AADAC: variants seen among roughly 807,000 people sequenced by gnomAD.
AADAC encodes arylacetamide deacetylase, also known as arylacetamide deacetylase (esterase).
Under a neutral mutation model 22.7 loss-of-function variants are expected in AADAC, and 17 were observed. That is an observed-to-expected ratio of 0.75 (90% confidence interval 0.51 to 1.12). The LOEUF (loss-of-function observed/expected upper bound fraction) is 1.12. Among genes scored for constraint, AADAC ranks in the 50% most tolerant of loss-of-function variants. The pLI is 0.00. For synonymous variants in AADAC, 167 were observed against 176.3 expected (o/e 0.95, Z 0.42); for missense variants, 465 against 473.9 (o/e 0.98, Z 0.17).
chr3:151,819,587 A>G (rs1327701504), intron 2 of AADAC, among the ~76,000 whole-genome samples: 1 of 152,064 alleles, frequency 6.6e-6, no homozygotes, highest in African/African-American at 2.4e-5. Flanking sequence ...TGCAGGAGAA[A>G]TATAAACAAG....
At chr3:151,815,659 T>C (rs952677424) in intron 1 of AADAC, among the ~76,000 whole-genome samples, 20 of 151,950 alleles carry the variant, frequency 1.3e-4, no homozygotes, top group Non-Finnish European at 2.6e-4. Context: ...TGGTAGCCTT[T>C]TAATTAATTA....
chr3:151,820,314 T>C (rs1456089577), intron 2 of AADAC, 69 bp from the exon 3 acceptor site: 10 of 1,160,194 alleles, frequency 8.6e-6, no homozygotes, highest in Non-Finnish European at 4.9e-6. Flanking sequence ...GCAGGATTTT[T>C]GTGAAGGAAA....
chr3:151,825,282 G>A (rs1452362772), intron 4 of AADAC, among the ~76,000 whole-genome samples: 2 of 151,790 alleles, frequency 1.3e-5, no homozygotes, highest in African/African-American at 4.8e-5. Context: ...TACCTAGGAG[G>A]CTGAGGAGGC....
At position 151,828,244 on chromosome 3, in the gene AADAC, T is replaced by G; in HGVS notation, c.*72T>G. On this transcript the variant is annotated 3_prime_UTR_variant, in exon 5 of 5. Coordinates refer to ENST00000232892, the MANE Select transcript of AADAC (RefSeq NM_001086.3). Reference sequence around the variant, plus strand: ...TCAGAAAATTTGCATTAGAAATTGGTCTTTCTTAGAATGGTCTAGTTAAGT... The same window carrying G: ...TCAGAAAATTTGCATTAGAAATTGGGCTTTCTTAGAATGGTCTAGTTAAGT... 9.4e-7 allele frequency: 1 copy of G among 1,058,952 alleles called. No homozygotes were observed. Among genetic ancestry groups the G allele is most frequent in the Non-Finnish European group, 1.3e-6 (1 of 766,530 alleles). 65.6% of individuals were successfully genotyped at this position (1,058,952 alleles called of 1,614,324 possible).
chr3:151,823,351 A>G (rs765113691), intron 3 of AADAC, among the ~76,000 whole-genome samples: 1 of 151,942 alleles, frequency 6.6e-6, no homozygotes, highest in East Asian at 1.9e-4. Flanking sequence ...TTGTGTGTGT[A>G]TATATATGTG....
intron 3 of AADAC, among the ~76,000 whole-genome samples, chr3:151,821,174 T>C (rs1716238447): frequency 6.6e-6 from 1 of 151,902 alleles, no homozygotes; most frequent in Non-Finnish European, 1.5e-5. Context: ...GAGTAAGTGA[T>C]AACATCCTTG....
Position 151,814,264 on chromosome 3 carries a change from G to A in AADAC, c.102G>A (p.Met34Ile). The A allele has an allele frequency of 6.2e-7, 1 of 1,613,336 alleles. No individual in the cohort carries two copies. The change falls in exon 1 of 5, where the codon ATG (methionine) becomes ATA (isoleucine). Residue 34 changes from methionine to isoleucine, a missense_variant. Coordinates refer to ENST00000232892, the MANE Select transcript of AADAC (RefSeq NM_001086.3). ...PDNVEEPWRM[M>I]WINAHLKTIQ... ...ACGTTGAGGAGCCATGGAGAATGAT[G>A]TGGATAAACGCACATCTGAAAACTA...
intron 2 of AADAC, among the ~76,000 whole-genome samples, chr3:151,818,413 T>A (rs1479437480): frequency 6.6e-6 from 1 of 152,052 alleles, no homozygotes; most frequent in African/African-American, 2.4e-5. Flanking sequence ...AAATTAAATT[T>A]AACAGAGTTT....
Position 151,814,191 on chromosome 3 carries a change from T to C in AADAC, c.29T>C (p.Ile10Thr). ...GGAAGAAAATCGCTGTACCTTCTGA[T>C]TGTGGGGATCCTCATAGCATATTAT... MGRKSLYLL[I>T]VGILIAYYIY... Residue 10 changes from isoleucine (I) to threonine (T), a missense_variant, in exon 1 of 5, where the codon ATT (isoleucine) becomes ACT (threonine). Ile to Thr is a moderately conservative substitution (Grantham distance 89, BLOSUM62 -1). Transcript: ENST00000232892. 6.2e-7 allele frequency: 1 copy of C among 1,613,388 alleles called. No individual in the cohort carries two copies. The highest frequency in any genetic ancestry group is 1.1e-5 in the South Asian group (1 of 91,072).
Position 151,828,048 on chromosome 3 carries a change from C to T in AADAC, c.1076C>T (p.Thr359Ile), listed in dbSNP as rs755736454. ...ATGTATGTCACCCGACTTCGCAACACTGGGGTTCAGGTGACTCATAACCAT... is the reference window on the plus strand; with the variant it reads ...ATGTATGTCACCCGACTTCGCAACATTGGGGTTCAGGTGACTCATAACCAT... Reference protein sequence around the residue: ...GLMYVTRLRNTGVQVTHNHVE... With the variant: ...GLMYVTRLRNIGVQVTHNHVE... Residue 359 changes from threonine to isoleucine, a missense_variant, in exon 5 of 5, where the codon ACT becomes ATT. Coordinates refer to ENST00000232892, the MANE Select transcript of AADAC (RefSeq NM_001086.3). 14 of 1,613,172 alleles carry T rather than the reference C, an allele frequency of 8.7e-6. 1 individual carries two copies. Among genetic ancestry groups the T allele is most frequent in the African/African-American group, 5.3e-5 (4 of 74,832 alleles).
chr3:151,828,240 T>C lies in AADAC; in HGVS notation c.*68T>C, dbSNP rs1716592469. The C allele has an allele frequency of 2.8e-6, 3 of 1,087,546 alleles. No individual in the cohort carries two copies. In the Admixed American group the frequency reaches 9.6e-5, roughly 35 times the overall value. The allele number at this position is 1,087,546 out of a possible 1,614,324, so 67.4% of individuals were successfully genotyped here. On this transcript the variant is annotated 3_prime_UTR_variant, in exon 5 of 5. Transcript: ENST00000232892. ...AACCTCAGAAAATTTGCATTAGAAA[T>C]TGGTCTTTCTTAGAATGGTCTAGTT...
At chr3:151,824,552 T>C in intron 3 of AADAC, 111 bp from the exon 4 acceptor site, 1 of 764,580 alleles carries the variant, frequency 1.3e-6, no homozygotes, top group Non-Finnish European at 1.9e-6. Context: ...CAGCATGTAT[T>C]AGGTTGGTGC....
chr3:151,823,326 T>C (rs1185439467), intron 3 of AADAC, among the ~76,000 whole-genome samples: 1 of 151,816 alleles, frequency 6.6e-6, no homozygotes, highest in Non-Finnish European at 1.5e-5. Context: ...AAGACATTAA[T>C]AGAAGTCTTA....
rs199967817 is a variant in AADAC at position 151,827,898 on chromosome 3, A to C, written c.926A>C (p.Lys309Thr). 106 of 1,611,922 alleles carry C rather than the reference A, an allele frequency of 6.6e-5. 2 individuals carry two copies. The highest frequency in any genetic ancestry group is 1.5e-5 in the Non-Finnish European group (18 of 1,179,060). The change falls in exon 5 of 5, where the codon AAA (lysine) becomes ACA (threonine). Residue 309 changes from lysine to threonine, a missense_variant. Coordinates refer to ENST00000232892, the MANE Select transcript of AADAC (RefSeq NM_001086.3). ...NPNYGSSELAKKYPGFLDVRA... is the reference protein window; with the variant it reads ...NPNYGSSELATKYPGFLDVRA... ...AATTATGGCAGTTCTGAGCTGGCTA[A>C]AAAATATCCAGGGTTCCTAGATGTG...
rs1286557020 is a variant in AADAC, at chr3:151,814,449, ATGT to A, written c.138+154_138+156del. The A allele has an allele frequency of 8.3e-5, 71 of 858,710 alleles. No individual in the cohort carries two copies. The Middle Eastern group carries it at 2.5e-3, about 30-fold the overall frequency. 53.2% of individuals were successfully genotyped at this position (858,710 alleles called of 1,614,324 possible). A position where few individuals can be genotyped will look rare whatever the true frequency, so the allele number is the denominator to read the frequency against. On this transcript the variant is annotated intron_variant, in intron 1 of 4. Transcript: ENST00000232892. ...GCCTTTGACAATGTGTTACTTAGAA[ATGT>A]TGTTTGTTTTCTGTCTTATGTATTG...
intron 2 of AADAC, 56 bp from the exon 3 acceptor site, chr3:151,820,327 G>T: frequency 7.5e-7 from 1 of 1,324,894 alleles, no homozygotes; most frequent in Non-Finnish European, 1.0e-6. Flanking sequence ...GAAGGAAACA[G>T]CCTTGTCTTC....
At chr3:151,823,387 A>T (rs1227805049) in intron 3 of AADAC, among the ~76,000 whole-genome samples, 1 of 152,014 alleles carries the variant, frequency 6.6e-6, no homozygotes, top group African/African-American at 2.4e-5. Context: ...ATACTATAAA[A>T]GTTTTTAAAT....
In AADAC at chr3:151,820,279, A is replaced by C. The variant is rs766520440; in HGVS notation, c.362-104A>C. 125 of 661,728 alleles carry C rather than the reference A, an allele frequency of 1.9e-4. 1 individual carries two copies. Among genetic ancestry groups the C allele is most frequent in the Non-Finnish European group, 2.9e-4 (121 of 411,700 alleles). The allele number at this position is 661,728 out of a possible 1,614,324, so 41.0% of individuals were successfully genotyped here. A position where few individuals can be genotyped will look rare whatever the true frequency, so the allele number is the denominator to read the frequency against. ...CTCTCGTATTTTAAGGTAAAATAGA[A>C]CTGCCAGAACGTGAAAGAAGTGCAG... On this transcript the variant is annotated intron_variant, in intron 2 of 4. Transcript: ENST00000232892.
intron 1 of AADAC, 108 bp from the exon 2 acceptor site, chr3:151,817,258 A>G: frequency 1.1e-6 from 1 of 892,976 alleles, no homozygotes; most frequent in Non-Finnish European, 1.7e-6. Context: ...ATGAAAATTT[A>G]GTTCATTCCA....
Sources: gnomAD v4.1 joint callset for allele counts (sites outside exome capture counted in the v4.1 genomes callset) on GRCh38, gnomAD v4.1.1 for gene constraint, MANE v1.5 for transcripts, NCBI Gene and HGNC (gene_info 2026-07-23, HGNC 2026-07-21) for gene names.